FYCO1: variants seen among roughly 807,000 people sequenced by gnomAD.
FYCO1 encodes FYVE and coiled-coil domain-containing protein 1.
FYCO1 carries 122 observed loss-of-function variants against 165.1 expected under a neutral mutation model. That is an observed-to-expected ratio of 0.74 (90% confidence interval 0.64 to 0.86). FYCO1 has a LOEUF of 0.86. Among genes scored for constraint, FYCO1 ranks in the 40% least tolerant of loss-of-function variants. The probability of loss-of-function intolerance (pLI) is 0.00; values close to 1 mark genes in which losing one functional copy is unlikely to be tolerated. For missense variants in FYCO1, 1,702 were observed against 1,810.3 expected, an observed-to-expected ratio of 0.94 and a Z score of 1.09; for synonymous variants, 648 against 742.5, an observed-to-expected ratio of 0.87 and a Z score of 2.07.
At position 45,967,613 on chromosome 3, in the gene FYCO1, A is replaced by G; in HGVS notation, c.1721T>C (p.Leu574Pro). The change falls in exon 8 of 18, where the codon CTG becomes CCG. Residue 574 changes from leucine to proline, a missense_variant. Physicochemically the swap from Leu to Pro is moderately conservative, Grantham distance 98. Coordinates refer to ENST00000296137, the MANE Select transcript of FYCO1 (RefSeq NM_024513.4). ...LPVAGEKNEA[L>P]VPVNSSLQEA... is the part of the protein sequence containing the mutation. ...TTGCAGACTGGAGTTCACAGGGACC[A>G]GGGCCTCATTCTTCTCACCTGCCAC... 6.2e-7 allele frequency: 1 copy of G among 1,613,942 alleles called. No individual in the cohort carries two copies. The highest frequency in any genetic ancestry group is 8.5e-7 in the Non-Finnish European group (1 of 1,180,014).
At chr3:45,957,549 C>G (rs1705412895) in intron 13 of FYCO1, among the ~76,000 whole-genome samples, 1 of 152,180 alleles carries the variant, frequency 6.6e-6, no homozygotes, top group Non-Finnish European at 1.5e-5. Context: ...ACAGAGGACT[C>G]TCAACATTCA....
chr3:45,956,626 G>C (rs1429690072), intron 13 of FYCO1, among the ~76,000 whole-genome samples: 1 of 152,140 alleles, frequency 6.6e-6, no homozygotes, highest in African/African-American at 2.4e-5. Flanking sequence ...TGAAAAAAGG[G>C]GCCAGGGATT....
rs368888882 is a variant in FYCO1 at position 45,931,143 on chromosome 3, G to A, written c.4179C>T (p.Ser1393=). 1 of 1,614,016 alleles carries A rather than the reference G, an allele frequency of 6.2e-7. No individual in the cohort carries two copies. Among genetic ancestry groups the A allele is most frequent in the Non-Finnish European group, 8.5e-7 (1 of 1,179,938 alleles). ...EAGLTISWVF[S]SDPKSISFSV... ...TGAAGGAGATGCTCTTGGGGTCAGA[G>A]GAGAAGACCCAGCTGATGGTGAGGC... Residue 1393 remains serine, a synonymous_variant, in exon 16 of 18, where the codon TCC becomes TCT. Transcript: ENST00000296137.
chr3:45,944,982 C>T (rs569577827), intron 14 of FYCO1: 1 of 152,288 alleles, frequency 6.6e-6, no homozygotes, highest in South Asian at 2.1e-4. Flanking sequence ...TGACCTATCA[C>T]CCTTAGAGAT....
In FYCO1 at chr3:45,981,690, A is replaced by G. The variant is rs1276760484; in HGVS notation, c.56-14T>C. 6.4e-7 allele frequency: 1 copy of G among 1,551,982 alleles called. No homozygotes were observed. The highest frequency in any genetic ancestry group is 8.9e-7 in the Non-Finnish European group (1 of 1,123,436). On this transcript the variant is annotated splice_polypyrimidine_tract_variant and intron_variant, in intron 2 of 17. Coordinates refer to ENST00000296137, the MANE Select transcript of FYCO1 (RefSeq NM_024513.4). The stretch of plus-strand genomic sequence containing the variant: ...CTGTCACAGCATCTTTAAGACAACA[A>G]ATAGGAACATGTAACCAGATAGTGA...
chr3:45,941,722 G>A (rs926681165), intron 14 of FYCO1, among the ~76,000 whole-genome samples: 2 of 152,178 alleles, frequency 1.3e-5, no homozygotes, highest in African/African-American at 4.8e-5. Context: ...GGCCCCAGGT[G>A]CTGGCTTGTT....
At chr3:45,984,681 C>G (rs1707227411) in intron 2 of FYCO1, 175 bp downstream of exon 2, 1 of 730,442 alleles carries the variant, frequency 1.4e-6, no homozygotes, top group Admixed American at 2.1e-5. Flanking sequence ...GCTTTCCAAG[C>G]CTTACACAAG....
chr3:45,952,713 GGA>G (rs143443576), intron 14 of FYCO1, among the ~76,000 whole-genome samples: 1 of 152,118 alleles, frequency 6.6e-6, no homozygotes, highest in African/African-American at 2.4e-5. Flanking sequence ...TGAGGGGTAA[GGA>G]GAGAGAGAGC....
chr3:45,951,861 T>A (rs992250159), intron 14 of FYCO1, among the ~76,000 whole-genome samples: 6 of 152,052 alleles, frequency 3.9e-5, no homozygotes, highest in African/African-American at 1.4e-4. Flanking sequence ...TCCTGACCCA[T>A]CTCTGCCAGG....
In FYCO1 at chr3:45,966,845, A is replaced by G. The variant is rs201503734; in HGVS notation, c.2489T>C (p.Leu830Pro). The G allele has an allele frequency of 1.2e-6, 2 of 1,611,986 alleles. No homozygotes were observed. Among genetic ancestry groups the G allele is most frequent in the Non-Finnish European group, 1.7e-6 (2 of 1,180,008 alleles). The stretch of plus-strand genomic sequence containing the variant: ...GTTAAGGGCTTCATTCTGCTCCTTC[A>G]GCTGCTGCACAAGGGTTTTGTGCTC... ...LREHKTLVQQ[L>P]KEQNEALNRA... Residue 830 changes from leucine to proline, a missense_variant, in exon 8 of 18, where the codon CTG becomes CCG. Coordinates refer to ENST00000296137, the MANE Select transcript of FYCO1 (RefSeq NM_024513.4).
intron 1 of FYCO1, among the ~76,000 whole-genome samples, chr3:45,987,986 T>A (rs1707385199): frequency 6.6e-6 from 1 of 152,232 alleles, no homozygotes; most frequent in South Asian, 2.1e-4. Context: ...CAGGAGACCT[T>A]CTCTGTCTGA....
chr3:45,946,660 A>C, intron 14 of FYCO1: 9 of 1,614,184 alleles, frequency 5.6e-6, no homozygotes, highest in Non-Finnish European at 6.8e-6. Flanking sequence ...ATCTTCTACC[A>C]TAAGTTGCAG....
At chr3:45,925,703 A>G (rs1312412192) in intron 16 of FYCO1, among the ~76,000 whole-genome samples, 1 of 152,224 alleles carries the variant, frequency 6.6e-6, no homozygotes, top group Non-Finnish European at 1.5e-5. Flanking sequence ...ATCACAGAGA[A>G]GAAAACATTC....
chr3:45,954,566 G>A (rs904917559), intron 14 of FYCO1, among the ~76,000 whole-genome samples: 6 of 152,158 alleles, frequency 3.9e-5, no homozygotes, highest in African/African-American at 7.2e-5. Context: ...TGCCAAGGGC[G>A]GCCCAGCAAG....
rs1301207867 is a variant in FYCO1 at position 45,966,707 on chromosome 3, T to C, written c.2627A>G (p.Glu876Gly). Residue 876 changes from glutamate (E) to glycine (G), a missense_variant, in exon 8 of 18, where the codon GAG becomes GGG. Transcript: ENST00000296137. ...GGAGCTGCATTTGGCCTGGGACAGC[T>C]CCTCCTGCAGGGCCCGCAGCTCCTC... ...REEELRALQE[E>G]LSQAKCSSEE... is the part of the protein sequence containing the mutation. 6.2e-7 allele frequency: 1 copy of C among 1,613,272 alleles called. No individual in the cohort carries two copies. Among genetic ancestry groups the C allele is most frequent in the South Asian group, 1.1e-5 (1 of 91,060 alleles).
At chr3:45,940,192 G>GC (rs1462691598) in intron 14 of FYCO1, among the ~76,000 whole-genome samples, 2 of 152,176 alleles carry the variant, frequency 1.3e-5, no homozygotes, top group Non-Finnish European at 1.5e-5. Context: ...GCAGGAGAGG[G>GC]CCCCCCTCCC....
At chr3:45,930,483 G>C (rs1703537452) in intron 16 of FYCO1, among the ~76,000 whole-genome samples, 2 of 152,320 alleles carry the variant, frequency 1.3e-5, no homozygotes, top group African/African-American at 4.8e-5. Flanking sequence ...ATCACTTGGA[G>C]ATGTCTGGAT....
At position 45,962,467 on chromosome 3, in the gene FYCO1, C is replaced by A; in HGVS notation, c.3270-75G>T. On this transcript the variant is annotated intron_variant, in intron 10 of 17. Coordinates refer to ENST00000296137, the MANE Select transcript of FYCO1 (RefSeq NM_024513.4). This position sits in a 1 kb window ranked among gnomAD's most constrained non-coding sequence, Gnocchi z 4.4. ...CCCAGGGCTCTAAGCTCACCCAGGACTCTAATGAGGGGTGCTACTGCCCTC... is the reference window on the plus strand; with the variant it reads ...CCCAGGGCTCTAAGCTCACCCAGGAATCTAATGAGGGGTGCTACTGCCCTC... 1 of 1,369,144 alleles carries A rather than the reference C, an allele frequency of 7.3e-7. No individual in the cohort carries two copies. Among genetic ancestry groups the A allele is most frequent in the Non-Finnish European group, 1.0e-6 (1 of 957,054 alleles). 84.8% of individuals were successfully genotyped at this position (1,369,144 alleles called of 1,614,324 possible). A position where few individuals can be genotyped will look rare whatever the true frequency, so the allele number is the denominator to read the frequency against.
At chr3:45,957,542 G>A (rs959683492) in intron 13 of FYCO1, among the ~76,000 whole-genome samples, 1 of 152,216 alleles carries the variant, frequency 6.6e-6, no homozygotes, top group African/African-American at 2.4e-5. Flanking sequence ...AGAATATACA[G>A]AGGACTCTCA....
Sources: allele counts gnomAD v4.1 joint callset (sites outside exome capture counted in the v4.1 genomes callset), GRCh38; gene constraint gnomAD v4.1.1; non-coding constraint Gnocchi (gnomAD v3.1); transcripts MANE v1.5; gene names NCBI Gene and HGNC (gene_info 2026-07-23, HGNC 2026-07-21).